SCHIP1: variants seen among roughly 807,000 people sequenced by gnomAD.
SCHIP1 encodes schwannomin-interacting protein 1.
Under a neutral mutation model 29.7 loss-of-function variants are expected in SCHIP1, and 8 were observed. The observed-to-expected ratio is 0.27, with a 90% CI of 0.16 to 0.49. The LOEUF is 0.49. Ranked by LOEUF, SCHIP1 falls within the 20% of genes least tolerant of loss-of-function variation. The pLI, the probability that SCHIP1 is intolerant of heterozygous loss-of-function variation, is 0.99. For missense variants in SCHIP1, 193 were observed against 294.6 expected, an observed-to-expected ratio of 0.66 and a Z score of 2.52; for synonymous variants, 76 against 94.9, an observed-to-expected ratio of 0.80 and a Z score of 1.16.
the SCHIP1 span, among the ~76,000 whole-genome samples, chr3:159,774,529 T>C: frequency 6.6e-6 from 1 of 152,350 alleles, no homozygotes; most frequent in Middle Eastern, 3.4e-3. Flanking sequence ...ACTGACCGAT[T>C]TTTCAATATT....
the SCHIP1 span, among the ~76,000 whole-genome samples, chr3:159,441,851 T>C: frequency 6.6e-6 from 1 of 151,776 alleles, no homozygotes; most frequent in Non-Finnish European, 1.5e-5. Flanking sequence ...ATTCTATTAT[T>C]ATTATTACTA....
chr3:159,293,693 C>A, the SCHIP1 span, among the ~76,000 whole-genome samples: 3 of 152,132 alleles, frequency 2.0e-5, no homozygotes, highest in Non-Finnish European at 4.4e-5. Flanking sequence ...TACTTCCTTT[C>A]CTCTGTTTAT....
At chr3:159,774,851 C>T in the SCHIP1 span, among the ~76,000 whole-genome samples, 1 of 152,242 alleles carries the variant, frequency 6.6e-6, no homozygotes, top group East Asian at 1.9e-4. Flanking sequence ...GTACATTTTA[C>T]TGATGCCTCT....
the SCHIP1 span, among the ~76,000 whole-genome samples, chr3:159,345,786 G>A: frequency 2.0e-5 from 3 of 152,180 alleles, no homozygotes; most frequent in South Asian, 2.1e-4. Flanking sequence ...GGGCTAAGAG[G>A]AGGGCCTGGG....
chr3:159,313,589 AC>A, the SCHIP1 span, among the ~76,000 whole-genome samples: 1 of 152,332 alleles, frequency 6.6e-6, no homozygotes, highest in South Asian at 2.1e-4. Context: ...GTTTCTGTAT[AC>A]CCTGCATCCA....
the SCHIP1 span, among the ~76,000 whole-genome samples, chr3:159,546,262 T>C: frequency 6.6e-6 from 1 of 152,100 alleles, no homozygotes; most frequent in East Asian, 1.9e-4. Flanking sequence ...CGAGTGGCAA[T>C]GGTAGGCATA....
At chr3:159,626,211 T>TAG in the SCHIP1 span, among the ~76,000 whole-genome samples, 1 of 114,790 alleles carries the variant, frequency 8.7e-6, no homozygotes, top group African/African-American at 5.3e-5. Context: ...TAGATAGATA[T>TAG]ATCTAGATAT....
chr3:159,519,301 A>G, the SCHIP1 span, among the ~76,000 whole-genome samples: 286 of 152,322 alleles, frequency 1.9e-3, 1 homozygote, highest in Middle Eastern at 6.8e-3. Context: ...GAAGAATCCA[A>G]CTACAGGCTT....
the SCHIP1 span, among the ~76,000 whole-genome samples, chr3:159,422,348 C>T: frequency 3.3e-5 from 5 of 152,162 alleles, no homozygotes; most frequent in Non-Finnish European, 7.4e-5. Context: ...ATATATCTAG[C>T]AAATGCTTTG....
At chr3:159,471,746 C>A in the SCHIP1 span, among the ~76,000 whole-genome samples, 1 of 151,968 alleles carries the variant, frequency 6.6e-6, no homozygotes, top group Admixed American at 6.6e-5. Flanking sequence ...CTTAATCTCA[C>A]CAGCCATAAA....
the SCHIP1 span, among the ~76,000 whole-genome samples, chr3:159,700,419 G>A: frequency 1.3e-3 from 191 of 152,324 alleles, 1 homozygote; most frequent in African/African-American, 4.5e-3. Flanking sequence ...AATAGTTGGT[G>A]TAATAATACA....
In SCHIP1 at chr3:159,884,690, A is replaced by T. The variant is rs145416307; in HGVS notation, c.150-1517A>T. ...ACTATTTTAATCCTTCCTGCATAAC[A>T]CTGGGTTTGCTACTATTCAACCCAT... On this transcript the variant is annotated intron_variant, in intron 2 of 6. Coordinates refer to ENST00000445224, the Ensembl canonical transcript of SCHIP1. Among the ~76,000 whole-genome samples the T allele has an allele frequency of 3.5e-4, 53 of 152,262 alleles. No individual in the cohort carries two copies. The East Asian group carries it at 6.0e-3, about 17-fold the overall frequency.
At chr3:159,458,780 T>C in the SCHIP1 span, among the ~76,000 whole-genome samples, 2 of 152,184 alleles carry the variant, frequency 1.3e-5, no homozygotes, top group Admixed American at 1.3e-4. Flanking sequence ...ATTAATCTTT[T>C]ATCCATGGAG....
the SCHIP1 span, among the ~76,000 whole-genome samples, chr3:159,650,177 C>T: frequency 2.0e-5 from 3 of 152,010 alleles, no homozygotes; most frequent in African/African-American, 7.2e-5. Context: ...CTTTGTTCTC[C>T]CTGGAGCATG....
upstream of SCHIP1, among the ~76,000 whole-genome samples, chr3:159,837,263 T>C (rs1743750077): frequency 6.6e-6 from 1 of 152,206 alleles, no homozygotes; most frequent in Non-Finnish European, 1.5e-5. Context: ...GGGTCATAGA[T>C]TGTCAAGGTA....
the SCHIP1 span, among the ~76,000 whole-genome samples, chr3:159,718,075 G>A: frequency 5.9e-5 from 9 of 152,158 alleles, no homozygotes; most frequent in African/African-American, 2.2e-4. Context: ...GCTGGTTCAA[G>A]ATACACAAAT....
the SCHIP1 span, among the ~76,000 whole-genome samples, chr3:159,442,438 G>C: frequency 1.3e-5 from 2 of 152,172 alleles, no homozygotes; most frequent in Non-Finnish European, 2.9e-5. Context: ...ATGACACCCA[G>C]CTGGCTGAGC....
the SCHIP1 span, among the ~76,000 whole-genome samples, chr3:159,388,763 T>C: frequency 2.7e-5 from 4 of 150,840 alleles, no homozygotes; most frequent in African/African-American, 7.2e-5. Context: ...TTAACTCATA[T>C]AAAAAGAAAT....
chr3:159,533,679 G>C, the SCHIP1 span, among the ~76,000 whole-genome samples: 3 of 152,128 alleles, frequency 2.0e-5, no homozygotes, highest in Non-Finnish European at 4.4e-5. Context: ...TGAGTGGATT[G>C]ATTTGGTCAT....
Sources: allele counts gnomAD v4.1 joint callset (sites outside exome capture counted in the v4.1 genomes callset), GRCh38; gene constraint gnomAD v4.1.1; transcripts MANE v1.5; gene names NCBI Gene and HGNC (gene_info 2026-07-23, HGNC 2026-07-21).